BRD7: variants seen among roughly 807,000 people sequenced by gnomAD.
The protein encoded by BRD7 is bromodomain-containing protein 7.
Under a neutral mutation model 82.1 loss-of-function variants are expected in BRD7, and 15 were observed. That is an observed-to-expected ratio of 0.18 (90% CI 0.12 to 0.28). The LOEUF (loss-of-function observed/expected upper bound fraction) is 0.28. Among genes scored for constraint, BRD7 ranks in the 10% least tolerant of loss-of-function variants. BRD7 has a pLI of 1.00. For synonymous variants in BRD7, 232 were observed against 266.9 expected (o/e 0.87, Z 1.27); for missense variants, 638 against 779.9 (o/e 0.82, Z 2.17).
At chr16:50,336,161 T>G (rs1179801759) in intron 6 of BRD7, among the ~76,000 whole-genome samples, 1 of 152,170 alleles carries the variant, frequency 6.6e-6, no homozygotes. Context: ...AATAACTATT[T>G]AATCCCACGT....
At chr16:50,334,620 G>A in intron 7 of BRD7, 91 bp downstream of exon 7, 1 of 1,452,692 alleles carries the variant, frequency 6.9e-7, no homozygotes, top group South Asian at 1.3e-5. Context: ...ACTAGCACTT[G>A]GTCTTCCCAA....
intron 6 of BRD7, among the ~76,000 whole-genome samples, chr16:50,335,823 C>A (rs896521466): frequency 6.6e-6 from 1 of 152,190 alleles, no homozygotes; most frequent in African/African-American, 2.4e-5. Flanking sequence ...CCTCATCACA[C>A]CATGCTCTAT....
intron 2 of BRD7, among the ~76,000 whole-genome samples, chr16:50,363,841 A>T (rs1347362658): frequency 6.6e-6 from 1 of 152,070 alleles, no homozygotes; most frequent in Non-Finnish European, 1.5e-5. Flanking sequence ...GGATCACCTG[A>T]CCCCAGAAGT....
At chr16:50,329,205 A>G (rs748310764) in intron 8 of BRD7, among the ~76,000 whole-genome samples, 2 of 152,122 alleles carry the variant, frequency 1.3e-5, no homozygotes, top group Non-Finnish European at 2.9e-5. Flanking sequence ...CACACAGGGG[A>G]TGATGGGCTA....
chr16:50,325,656 TA>T, intron 11 of BRD7, 91 bp downstream of exon 11: 1 of 1,233,444 alleles, frequency 8.1e-7, no homozygotes, highest in Non-Finnish European at 1.1e-6. Flanking sequence ...TTTTTTTTAC[TA>T]CTCGGCCAGC....
At chr16:50,331,320 T>A (rs1375315169) in intron 8 of BRD7, among the ~76,000 whole-genome samples, 1 of 152,184 alleles carries the variant, frequency 6.6e-6, no homozygotes, top group African/African-American at 2.4e-5. Flanking sequence ...TATTCTAAAA[T>A]TCACATGGAA....
intron 5 of BRD7, among the ~76,000 whole-genome samples, chr16:50,340,746 A>G (rs930147956): frequency 2.0e-5 from 3 of 152,208 alleles, no homozygotes; most frequent in African/African-American, 7.2e-5. Context: ...GGAGTAGCCA[A>G]ATTACCAAAA....
chr16:50,368,734 A>G lies in BRD7; in HGVS notation c.41T>C (p.Leu14Pro). The G allele has an allele frequency of 6.4e-7, 1 of 1,553,874 alleles. No homozygotes were observed. Residue 14 changes from leucine (L) to proline (P), a missense_variant, in exon 1 of 17, where the codon CTC becomes CCC. Physicochemically the swap from Leu to Pro is moderately conservative, Grantham distance 98. Around this residue, in one of 3 missense-constraint regions of BRD7, gnomAD observed 172 missense variants for 155.3 expected, o/e 1.11. Coordinates refer to ENST00000394688, the MANE Select transcript of BRD7 (RefSeq NM_013263.5). ...KHKKHKSDKH[L>P]YEEYVEKPLK... ...CCCGGCCCCCTCCTCACCCTCGTAG[A>G]GGTGTTTGTCCGACTTGTGCTTCTT...
chr16:50,321,287 G>A lies in BRD7; in HGVS notation c.1501-513C>T, dbSNP rs1321689542. On this transcript the variant is annotated intron_variant, in intron 13 of 16. Coordinates refer to ENST00000394688, the MANE Select transcript of BRD7 (RefSeq NM_013263.5). ...TTAAAAAGGATGGAGTTGGCCTGGC[G>A]CAGTGGCTCATGCCTGTAATCCCAG... is the stretch of plus-strand genomic sequence containing the variant. Among the ~76,000 whole-genome samples the A allele has an allele frequency of 4.6e-5, 7 of 152,182 alleles. No individual in the cohort carries two copies. In the East Asian group the frequency reaches 5.8e-4, roughly 13 times the overall value.
intron 5 of BRD7, among the ~76,000 whole-genome samples, chr16:50,346,339 C>A (rs960475941): frequency 4.6e-5 from 7 of 152,062 alleles, no homozygotes; most frequent in Non-Finnish European, 7.3e-5. Flanking sequence ...AATTGATACC[C>A]TAACATCACA....
chr16:50,364,816 G>A (rs747443792), intron 2 of BRD7, among the ~76,000 whole-genome samples: 17 of 152,070 alleles, frequency 1.1e-4, no homozygotes, highest in Non-Finnish European at 2.4e-4. Flanking sequence ...CTATGTAATC[G>A]ATATAAAGAT....
intron 2 of BRD7, among the ~76,000 whole-genome samples, chr16:50,367,035 C>A (rs2039174462): frequency 1.3e-5 from 2 of 151,968 alleles, no homozygotes; most frequent in Admixed American, 1.3e-4. Context: ...TTAAGAAATC[C>A]CCAAAATAAG....
chr16:50,320,517 C>A (rs2037052582), intron 14 of BRD7, 126 bp from the exon 15 acceptor site: 1 of 1,434,268 alleles, frequency 7.0e-7, no homozygotes, highest in South Asian at 1.2e-5. Flanking sequence ...CTTGAAATGA[C>A]ATCAACACGC....
In BRD7 at chr16:50,318,595, GT is replaced by G. The variant is rs1332377972; in HGVS notation, c.*615del. 1 of 152,230 alleles carries G rather than the reference GT, an allele frequency of 6.6e-6. No individual in the cohort carries two copies. The allele number at this position is 152,230 out of a possible 1,614,324, so 9.4% of individuals were successfully genotyped here. A position where few individuals can be genotyped will look rare whatever the true frequency, so the allele number is the denominator to read the frequency against. The stretch of plus-strand genomic sequence containing the variant: ...GATAAACAGTAAGTAAAGTAGAAAT[GT>G]CACCTTTTGGTAATCTGGTAATTCC... On this transcript the variant is annotated 3_prime_UTR_variant, in exon 17 of 17. Transcript: ENST00000394688.
At position 50,318,268 on chromosome 16, in the gene BRD7, C is replaced by CTAT. The variant is rs2036908219; in HGVS notation, c.*940_*942dup. 1 of 152,036 alleles carries CTAT rather than the reference C, an allele frequency of 6.6e-6. No individual in the cohort carries two copies. Among genetic ancestry groups the CTAT allele is most frequent in the Non-Finnish European group, 1.5e-5 (1 of 67,974 alleles). 9.4% of individuals were successfully genotyped at this position (152,036 alleles called of 1,614,324 possible). A position where few individuals can be genotyped will look rare whatever the true frequency, so the allele number is the denominator to read the frequency against. The stretch of plus-strand genomic sequence containing the variant: ...TTGAGGGAATTAATTTTCCTTTACC[C>CTAT]TATTTGTTCTTCCTAAATACTAATT... On this transcript the variant is annotated 3_prime_UTR_variant, in exon 17 of 17. Coordinates refer to ENST00000394688, the MANE Select transcript of BRD7 (RefSeq NM_013263.5).
In BRD7 at chr16:50,316,139, G is replaced by C. The variant is rs1567588491; in HGVS notation, c.*3072C>G. 1 of 152,594 alleles carries C rather than the reference G, an allele frequency of 6.6e-6. No individual in the cohort carries two copies. Among genetic ancestry groups the C allele is most frequent in the East Asian group, 1.9e-4 (1 of 5,340 alleles). The allele number at this position is 152,594 out of a possible 1,614,324, so 9.5% of individuals were successfully genotyped here. ...ACATTAATGGGGTTTTTATCCTTTT[G>C]AATGACTTTTCAGACACTAGACATA... On this transcript the variant is annotated 3_prime_UTR_variant, in exon 17 of 17. Transcript: ENST00000394688.
chr16:50,364,794 T>C (rs1018483245), intron 2 of BRD7, among the ~76,000 whole-genome samples: 15 of 152,232 alleles, frequency 9.9e-5, no homozygotes, highest in African/African-American at 3.6e-4. Flanking sequence ...GGTATATCCA[T>C]ATAACTAAAT....
intron 4 of BRD7, 48 bp from the exon 5 acceptor site, chr16:50,350,215 C>A: frequency 7.2e-7 from 1 of 1,391,626 alleles, no homozygotes; most frequent in East Asian, 2.6e-5. Context: ...CTATTACAAA[C>A]AAATCTATTG....
At chr16:50,331,777 T>C (rs2151151981) in intron 8 of BRD7, among the ~76,000 whole-genome samples, 1 of 152,116 alleles carries the variant, frequency 6.6e-6, no homozygotes, top group Admixed American at 6.5e-5. Flanking sequence ...ATGATACTGA[T>C]AAAAATAAAC....
Sources: allele counts gnomAD v4.1 joint callset (sites outside exome capture counted in the v4.1 genomes callset), GRCh38; gene constraint gnomAD v4.1.1; regional missense constraint gnomAD v4.1.1; transcripts MANE v1.5; gene names NCBI Gene and HGNC (gene_info 2026-07-23, HGNC 2026-07-21).